Variants in HPSE2 observed in about 807,000 individuals in gnomAD.
The protein encoded by HPSE2 is inactive heparanase-2.
HPSE2 carries 38 observed loss-of-function variants against 60.5 expected under a neutral mutation model. The observed-to-expected ratio is 0.63, with a 90% confidence interval of 0.48 to 0.82. HPSE2 has a LOEUF of 0.82. HPSE2 is among the 40% of genes least tolerant of loss of function. The probability of loss-of-function intolerance (pLI) is 0.00; values close to 1 mark genes in which losing one functional copy is unlikely to be tolerated. For missense variants in HPSE2, 713 were observed against 740.4 expected, an observed-to-expected ratio of 0.96 and a Z score of 0.43; for synonymous variants, 295 against 293.2, an observed-to-expected ratio of 1.01 and a Z score of -0.06.
intron 11 of HPSE2, among the ~76,000 whole-genome samples, chr10:98,475,906 T>A (rs914470328): frequency 2.0e-5 from 3 of 152,128 alleles, no homozygotes; most frequent in Admixed American, 6.5e-5. Flanking sequence ...ATTGTGGAAG[T>A]CAGTGTGGCG....
chr10:98,555,326 A>G (rs932737899), intron 9 of HPSE2, among the ~76,000 whole-genome samples: 26 of 152,142 alleles, frequency 1.7e-4, no homozygotes, highest in African/African-American at 6.0e-4. Context: ...CTCCCCTCTG[A>G]GCGAGGTGCT....
intron 5 of HPSE2, among the ~76,000 whole-genome samples, chr10:98,710,772 A>G (rs750912943): frequency 7.9e-5 from 12 of 152,176 alleles, no homozygotes; most frequent in Non-Finnish European, 1.2e-4. Context: ...TGTTATAACC[A>G]TGCAGAGTTG....
chr10:98,890,382 T>C (rs556362843), intron 3 of HPSE2, among the ~76,000 whole-genome samples: 2 of 152,232 alleles, frequency 1.3e-5, no homozygotes, highest in East Asian at 3.9e-4. Flanking sequence ...GCCATTAAAG[T>C]AATTACTATA....
At chr10:98,756,414 G>A (rs2134371631) in intron 3 of HPSE2, among the ~76,000 whole-genome samples, 1 of 151,988 alleles carries the variant, frequency 6.6e-6, no homozygotes, top group South Asian at 2.1e-4. Flanking sequence ...AAGATTGATA[G>A]ACCACTAGCT....
the HPSE2 span, among the ~76,000 whole-genome samples, chr10:99,287,657 A>G: frequency 2.6e-5 from 4 of 152,232 alleles, no homozygotes; most frequent in African/African-American, 9.6e-5. Flanking sequence ...TATCACACCA[A>G]CTTCAAACAT....
chr10:99,080,417 A>C (rs1195457722), intron 3 of HPSE2, among the ~76,000 whole-genome samples: 1 of 152,120 alleles, frequency 6.6e-6, no homozygotes, highest in African/African-American at 2.4e-5. Context: ...ACCATGGTAC[A>C]TTTCCTTCTT....
At chr10:99,192,894 G>C (rs1479192513) in intron 2 of HPSE2, among the ~76,000 whole-genome samples, 1 of 151,994 alleles carries the variant, frequency 6.6e-6, no homozygotes, top group Non-Finnish European at 1.5e-5. Flanking sequence ...CCTAAAGGGA[G>C]TTTTTCATAT....
At chr10:99,080,830 T>C (rs1449735533) in intron 3 of HPSE2, among the ~76,000 whole-genome samples, 1 of 152,260 alleles carries the variant, frequency 6.6e-6, no homozygotes, top group Non-Finnish European at 1.5e-5. Context: ...TGAGGTTTTT[T>C]TTCACTTTTA....
At chr10:99,189,749 T>C (rs1355280082) in intron 2 of HPSE2, among the ~76,000 whole-genome samples, 1 of 152,230 alleles carries the variant, frequency 6.6e-6, no homozygotes, top group Non-Finnish European at 1.5e-5. Flanking sequence ...AATATAATCT[T>C]CTGAATGGGC....
At chr10:99,302,363 A>C in the HPSE2 span, among the ~76,000 whole-genome samples, 3 of 144,866 alleles carry the variant, frequency 2.1e-5, no homozygotes, top group Non-Finnish European at 3.1e-5. Flanking sequence ...TGGAACTTTT[A>C]GATGCTGTCC....
intron 3 of HPSE2, among the ~76,000 whole-genome samples, chr10:99,069,777 T>C (rs188315867): frequency 7.6e-4 from 115 of 152,080 alleles, no homozygotes; most frequent in Admixed American, 6.8e-3. Context: ...GCTCACATTG[T>C]TCGTGTTTGT....
chr10:99,179,812 T>G (rs941340790), intron 2 of HPSE2, among the ~76,000 whole-genome samples: 3 of 151,124 alleles, frequency 2.0e-5, no homozygotes, highest in Non-Finnish European at 4.4e-5. Flanking sequence ...AAGACAATCC[T>G]AAGCAAAAAG....
chr10:98,885,179 T>A (rs1424254750), intron 3 of HPSE2, among the ~76,000 whole-genome samples: 1 of 152,110 alleles, frequency 6.6e-6, no homozygotes, highest in Non-Finnish European at 1.5e-5. Flanking sequence ...TAACTTCAGA[T>A]GTGGTAGAAA....
chr10:98,495,530 G>GT (rs984885961), intron 9 of HPSE2, among the ~76,000 whole-genome samples: 4 of 151,916 alleles, frequency 2.6e-5, no homozygotes, highest in African/African-American at 9.7e-5. Context: ...CCACTTAATG[G>GT]TGTCCCCCAG....
rs541223947 is a variant in HPSE2, at chr10:98,529,687, G to A, written c.1321-39491C>T. Among the ~76,000 whole-genome samples the A allele has an allele frequency of 3.9e-5, 6 of 151,970 alleles. No homozygotes were observed. In the East Asian group the frequency reaches 5.8e-4, roughly 15 times the overall value. ...CTTCCCTTCCTCTTAGCCTTGTCTC[G>A]CACTTCAAGCAGTAAGTACAGAAAG... On this transcript the variant is annotated intron_variant, in intron 9 of 11. Coordinates refer to ENST00000370552, the MANE Select transcript of HPSE2 (RefSeq NM_021828.5).
intron 9 of HPSE2, among the ~76,000 whole-genome samples, chr10:98,562,974 AAAAC>A (rs368025622): frequency 2.6e-5 from 4 of 152,086 alleles, no homozygotes; most frequent in Non-Finnish European, 4.4e-5. Context: ...TCTGGCTTAA[AAAAC>A]AAACAAACAA....
At chr10:98,618,567 T>C (rs763027354) in intron 8 of HPSE2, among the ~76,000 whole-genome samples, 9 of 152,028 alleles carry the variant, frequency 5.9e-5, no homozygotes, top group Non-Finnish European at 1.2e-4. Context: ...AGTGGGAGTG[T>C]ACTTTTGTGG....
chr10:99,310,124 C>G, the HPSE2 span, among the ~76,000 whole-genome samples: 1 of 152,340 alleles, frequency 6.6e-6, no homozygotes, highest in East Asian at 1.9e-4. Flanking sequence ...TAACTTCCTA[C>G]CAGCTCCTTC....
intron 7 of HPSE2, among the ~76,000 whole-genome samples, chr10:98,639,979 CAATA>C (rs1310668817): frequency 6.6e-6 from 1 of 152,104 alleles, no homozygotes; most frequent in African/African-American, 2.4e-5. Context: ...ACTAAGCACT[CAATA>C]AATATTTATT....
Sources: gnomAD v4.1 joint callset for allele counts (sites outside exome capture counted in the v4.1 genomes callset) on GRCh38, gnomAD v4.1.1 for gene constraint, MANE v1.5 for transcripts, NCBI Gene and HGNC (gene_info 2026-07-23, HGNC 2026-07-21) for gene names.